Variants in KCNH8 observed in about 807,000 individuals in gnomAD.
The protein encoded by KCNH8 is potassium voltage-gated channel subfamily H member 8, also known as voltage-gated delayed rectifier potassium channel KCNH8.
Under a neutral mutation model 103.6 loss-of-function variants are expected in KCNH8, and 70 were observed. The observed-to-expected ratio is 0.68, with a 90% CI of 0.56 to 0.82. KCNH8 has a LOEUF of 0.82. KCNH8 is among the 40% of genes least tolerant of loss of function. The pLI is 0.00. For synonymous variants in KCNH8, 498 were observed against 489.4 expected (o/e 1.02, Z -0.23); for missense variants, 1,217 against 1,329.9 (o/e 0.92, Z 1.32).
At chr3:19,169,297 C>G (rs898217609) in intron 1 of KCNH8, among the ~76,000 whole-genome samples, 1 of 128,650 alleles carries the variant, frequency 7.8e-6, no homozygotes. Context: ...CTCGCTCTTT[C>G]GCCCAGGCTG....
At chr3:19,227,393 T>G (rs1292207664) in intron 1 of KCNH8, among the ~76,000 whole-genome samples, 1 of 152,210 alleles carries the variant, frequency 6.6e-6, no homozygotes, top group Admixed American at 6.5e-5. Flanking sequence ...TTTTCTCTAT[T>G]GAGAACTTTT....
chr3:19,327,255 T>G (rs1025690196), intron 3 of KCNH8, among the ~76,000 whole-genome samples: 1 of 152,160 alleles, frequency 6.6e-6, no homozygotes, highest in Non-Finnish European at 1.5e-5. Context: ...CATATATGAA[T>G]AAGAATGTGA....
In KCNH8 at chr3:19,299,998, C is replaced by T. The variant is rs577919670; in HGVS notation, c.442+18669C>T. Among the ~76,000 whole-genome samples, 16 of 151,992 alleles carry T rather than the reference C, an allele frequency of 1.1e-4. No homozygotes were observed. The South Asian group carries it at 1.2e-3, about 12-fold the overall frequency. ...GCATGGTAGCTCACGCCTGTAATCCCAGCCCTTTGGGTGGCCAAGGCGGGT... is the reference window on the plus strand; with the variant it reads ...GCATGGTAGCTCACGCCTGTAATCCTAGCCCTTTGGGTGGCCAAGGCGGGT... On this transcript the variant is annotated intron_variant, in intron 3 of 15. Coordinates refer to ENST00000328405, the MANE Select transcript of KCNH8 (RefSeq NM_144633.3).
chr3:19,416,857 C>T (rs928296106), intron 7 of KCNH8, among the ~76,000 whole-genome samples: 1 of 152,060 alleles, frequency 6.6e-6, no homozygotes, highest in East Asian at 1.9e-4. Flanking sequence ...GCTTAAGTTT[C>T]TTTGTTATTC....
intron 12 of KCNH8, 76 bp from the exon 13 acceptor site, chr3:19,512,894 A>G: frequency 7.9e-7 from 1 of 1,269,016 alleles, no homozygotes; most frequent in South Asian, 1.4e-5. Flanking sequence ...TGTTCTAATG[A>G]GACCTCCAGC....
chr3:19,528,254 T>C (rs1411766700), intron 15 of KCNH8, among the ~76,000 whole-genome samples: 1 of 152,098 alleles, frequency 6.6e-6, no homozygotes, highest in Non-Finnish European at 1.5e-5. Context: ...TGCAAAATGT[T>C]AGCCAAATTT....
intron 3 of KCNH8, among the ~76,000 whole-genome samples, chr3:19,339,844 A>G (rs2065634200): frequency 6.6e-6 from 1 of 151,986 alleles, no homozygotes; most frequent in Admixed American, 6.6e-5. Context: ...AAAGACTTGG[A>G]GTGAAGTCTC....
At chr3:19,226,564 C>T (rs1012238380) in intron 1 of KCNH8, among the ~76,000 whole-genome samples, 2 of 151,764 alleles carry the variant, frequency 1.3e-5, no homozygotes, top group Non-Finnish European at 2.9e-5. Context: ...CTCTCTCTCT[C>T]TCTCTGTTTC....
chr3:19,181,061 TTA>T (rs2063448427), intron 1 of KCNH8, among the ~76,000 whole-genome samples: 1 of 152,316 alleles, frequency 6.6e-6, no homozygotes, highest in South Asian at 2.1e-4. Context: ...ATTAACATTT[TTA>T]TGAAGTTGCT....
At chr3:19,322,496 G>GGACCCCAA (rs2065363295) in intron 3 of KCNH8, among the ~76,000 whole-genome samples, 1 of 152,006 alleles carries the variant, frequency 6.6e-6, no homozygotes, top group East Asian at 1.9e-4. Context: ...TAATTGTTTT[G>GGACCCCAA]TTTTAGGAGG....
At chr3:19,359,943 G>A in intron 5 of KCNH8, among the ~76,000 whole-genome samples, 1 of 151,980 alleles carries the variant, frequency 6.6e-6, no homozygotes. Context: ...GATACCTTCT[G>A]TGAACTTTTG....
At chr3:19,414,374 C>T (rs1375558230) in intron 7 of KCNH8, among the ~76,000 whole-genome samples, 1 of 150,994 alleles carries the variant, frequency 6.6e-6, no homozygotes, top group African/African-American at 2.4e-5. Flanking sequence ...AGAAAACATA[C>T]AAATCAAACA....
intron 15 of KCNH8, among the ~76,000 whole-genome samples, chr3:19,523,766 A>G (rs540273139): frequency 6.6e-6 from 1 of 152,100 alleles, no homozygotes; most frequent in African/African-American, 2.4e-5. Flanking sequence ...AAACGCTAAT[A>G]ATATCTACCA....
chr3:19,170,803 T>C (rs1352784941), intron 1 of KCNH8, among the ~76,000 whole-genome samples: 3 of 116,006 alleles, frequency 2.6e-5, no homozygotes, highest in Non-Finnish European at 5.2e-5. Context: ...TATATATATA[T>C]ATATATATTT....
chr3:19,284,775 T>C (rs1310537227), intron 3 of KCNH8, among the ~76,000 whole-genome samples: 1 of 151,880 alleles, frequency 6.6e-6, no homozygotes, highest in Non-Finnish European at 1.5e-5. Context: ...TACTTTGATA[T>C]AAAATTTGGA....
At chr3:19,247,455 A>G (rs2064220860) in intron 1 of KCNH8, among the ~76,000 whole-genome samples, 1 of 152,236 alleles carries the variant, frequency 6.6e-6, no homozygotes, top group South Asian at 2.1e-4. Context: ...CACAAGGGAT[A>G]CAAACGTTGT....
At chr3:19,246,274 GTTTTTT>G (rs920423108) in intron 1 of KCNH8, among the ~76,000 whole-genome samples, 142 of 86,346 alleles carry the variant, frequency 1.6e-3, no homozygotes, top group African/African-American at 6.6e-3. Flanking sequence ...TGTTGTTGTT[GTTTTTT>G]TTTTTTTTTT....
At chr3:19,396,521 T>C (rs192575117) in intron 7 of KCNH8, among the ~76,000 whole-genome samples, 132 of 152,214 alleles carry the variant, frequency 8.7e-4, no homozygotes, top group African/African-American at 2.9e-3. Flanking sequence ...TAGAATGTTT[T>C]TCTTATCTTC....
intron 10 of KCNH8, among the ~76,000 whole-genome samples, chr3:19,452,813 G>A (rs2067469734): frequency 6.6e-6 from 1 of 152,080 alleles, no homozygotes; most frequent in African/African-American, 2.4e-5. Flanking sequence ...TAAAGTCAAA[G>A]CTAACCTAAG....
Sources: gnomAD v4.1 joint callset for allele counts (sites outside exome capture counted in the v4.1 genomes callset) on GRCh38, gnomAD v4.1.1 for gene constraint, MANE v1.5 for transcripts, NCBI Gene and HGNC (gene_info 2026-07-23, HGNC 2026-07-21) for gene names.